The following ACMSD variants were observed in gnomAD, a reference collection of about 807,000 sequenced individuals.
ACMSD encodes aminocarboxymuconate semialdehyde decarboxylase, also known as 2-amino-3-carboxymuconate-6-semialdehyde decarboxylase.
A neutral mutation model predicts 45.9 loss-of-function variants in ACMSD; 37 were observed. That is an observed-to-expected ratio of 0.81 (90% CI 0.62 to 1.06). The LOEUF is 1.06. Among genes scored for constraint, ACMSD ranks in the 50% least tolerant of loss-of-function variants. The pLI is 0.00. For missense variants in ACMSD, 434 were observed against 420.9 expected (o/e 1.03, Z -0.27); for synonymous variants, 138 against 148.8 (o/e 0.93, Z 0.53).
At chr2:134,847,443 G>GAT (rs781247414) in intron 2 of ACMSD, among the ~76,000 whole-genome samples, 27 of 142,422 alleles carry the variant, frequency 1.9e-4, no homozygotes, top group African/African-American at 6.0e-4. Context: ...TAGATAGATA[G>GAT]ATAGATATAG....
At chr2:134,859,547 T>C in intron 3 of ACMSD, 190 bp downstream of exon 3, 1 of 535,110 alleles carries the variant, frequency 1.9e-6, no homozygotes, top group East Asian at 2.8e-5. Context: ...ATTCAAAATG[T>C]TTCATATGAG....
At chr2:134,881,189 C>G (rs1216885003) in intron 8 of ACMSD, among the ~76,000 whole-genome samples, 1 of 152,140 alleles carries the variant, frequency 6.6e-6, no homozygotes, top group East Asian at 1.9e-4. Context: ...TTAGTAGAGA[C>G]ATGGTTTCGC....
chr2:134,896,620 C>A (rs1318388235), intron 8 of ACMSD, among the ~76,000 whole-genome samples: 1 of 152,146 alleles, frequency 6.6e-6, no homozygotes, highest in Non-Finnish European at 1.5e-5. Flanking sequence ...CTCATACCTA[C>A]TGAGATGGCC....
At chr2:134,847,397 C>CAGAGAGAT (rs1687102711) in intron 2 of ACMSD, among the ~76,000 whole-genome samples, 56 of 81,460 alleles carry the variant, frequency 6.9e-4, no homozygotes, top group Non-Finnish European at 2.0e-4. Flanking sequence ...TTTGGGGATA[C>CAGAGAGAT]AGATAGATAG....
At position 134,901,835 on chromosome 2, in the gene ACMSD, G is replaced by C. The variant is rs745585763; in HGVS notation, c.986G>C (p.Gly329Ala). The part of the protein sequence containing the change: ...LKAGNALAFL[G>A]LERKQFE ...GCCGGCAATGCCCTGGCATTTTTGG[G>C]TCTTGAGAGAAAACAATTTGAATGA... Residue 329 changes from glycine to alanine, a missense_variant, in exon 10 of 10, where the codon GGT (glycine) becomes GCT (alanine). Transcript: ENST00000356140. 1.3e-6 allele frequency: 2 copies of C among 1,598,888 alleles called. No homozygotes were observed. The highest frequency in any genetic ancestry group is 2.3e-5 in the South Asian group (2 of 88,500).
chr2:134,846,257 A>G (rs997298667), intron 2 of ACMSD, among the ~76,000 whole-genome samples: 1 of 152,194 alleles, frequency 6.6e-6, no homozygotes, highest in East Asian at 1.9e-4. Context: ...TGGTCCCACA[A>G]CCAGTTTCAC....
At chr2:134,845,396 T>C (rs1687003072) in intron 2 of ACMSD, 119 bp downstream of exon 2, 2 of 1,082,860 alleles carry the variant, frequency 1.8e-6, no homozygotes, top group Non-Finnish European at 2.8e-6. Context: ...ATTAGCTTTG[T>C]TGTAGACAAG....
rs1690305526 is a variant in ACMSD, at chr2:134,898,415, G to A, written c.924G>A (p.Met308Ile). 6.3e-7 allele frequency: 1 copy of A among 1,597,580 alleles called. No individual in the cohort carries two copies. Among genetic ancestry groups the A allele is most frequent in the Non-Finnish European group, 8.5e-7 (1 of 1,173,192 alleles). ...ELEPGKLIES[M>I]EEFDEETKNK... ...AACCTGGGAAACTAATAGAGTCCAT[G>A]GAAGAATTTGATGAAGAAACAAAGG... is the stretch of plus-strand genomic sequence containing the variant. Residue 308 changes from methionine to isoleucine, a missense_variant, in exon 9 of 10, where the codon ATG becomes ATA. Physicochemically the swap from Met to Ile is conservative, Grantham distance 10. Transcript: ENST00000356140.
intron 8 of ACMSD, among the ~76,000 whole-genome samples, chr2:134,890,136 G>GA (rs977942645): frequency 4.0e-5 from 6 of 151,882 alleles, no homozygotes; most frequent in African/African-American, 9.6e-5. Flanking sequence ...ATCATGAAGA[G>GA]AAAAAAATGG....
Position 134,840,181 on chromosome 2 carries a change from A to AAAAAAAAAAAC in ACMSD, c.57+1452_57+1453insCAAAAAAAAAA, listed in dbSNP as rs1559034821. ...ACTATACCTAGCAAAAAAAAAAAAA[A>AAAAAAAAAAAC]AAAAAAAAAAAACCACTAATTCCTC... is the stretch of plus-strand genomic sequence containing the variant. On this transcript the variant is annotated intron_variant, in intron 1 of 9. Coordinates refer to ENST00000356140, the MANE Select transcript of ACMSD (RefSeq NM_138326.3). 2.8e-5 allele frequency among the ~76,000 whole-genome samples: 4 copies of AAAAAAAAAAAC among 142,796 alleles called. No individual in the cohort carries two copies. In the East Asian group the frequency reaches 8.9e-4, roughly 32 times the overall value. The allele number at this position is 142,796 out of a possible 152,430, so 93.7% of individuals were successfully genotyped here.
intron 4 of ACMSD, chr2:134,863,022 T>TG (rs1228578238): frequency 2.0e-6 from 2 of 984,906 alleles, no homozygotes; most frequent in Non-Finnish European, 2.4e-6. Flanking sequence ...GATGGTGGCC[T>TG]GGGGCCCTTG....
Position 134,901,864 on chromosome 2 carries a change from A to G in ACMSD, c.*4A>G. ...TGAGAGAAAACAATTTGAATGACTGAATTTACTACAAAGGCAAACTTTCAA... is the reference window on the plus strand; with the variant it reads ...TGAGAGAAAACAATTTGAATGACTGGATTTACTACAAAGGCAAACTTTCAA... On this transcript the variant is annotated 3_prime_UTR_variant, in exon 10 of 10. Transcript: ENST00000356140. 1 of 1,595,598 alleles carries G rather than the reference A, an allele frequency of 6.3e-7. No individual in the cohort carries two copies.
rs1362581812 is a variant in ACMSD, at chr2:134,901,970, G to C, written c.*110G>C. The C allele has an allele frequency of 1.7e-5, 11 of 635,722 alleles. No individual in the cohort carries two copies. The highest frequency in any genetic ancestry group is 2.8e-5 in the Non-Finnish European group (11 of 389,900). 39.4% of individuals were successfully genotyped at this position (635,722 alleles called of 1,614,324 possible). On this transcript the variant is annotated 3_prime_UTR_variant, in exon 10 of 10. Coordinates refer to ENST00000356140, the MANE Select transcript of ACMSD (RefSeq NM_138326.3). ...ATTTTGAACTATTTTACTCAGAAAT[G>C]AATGTCCCAAATATCCTAAATTATT...
chr2:134,885,180 A>G (rs1429262544), intron 8 of ACMSD, among the ~76,000 whole-genome samples: 1 of 142,410 alleles, frequency 7.0e-6, no homozygotes, highest in Non-Finnish European at 1.5e-5. Flanking sequence ...TGGGTGATGG[A>G]GTGAGACTTT....
At chr2:134,840,800 G>A (rs1467439705) in intron 1 of ACMSD, among the ~76,000 whole-genome samples, 1 of 152,034 alleles carries the variant, frequency 6.6e-6, no homozygotes, top group East Asian at 1.9e-4. Flanking sequence ...TGGGGAACAG[G>A]TGGTGTTTGG....
chr2:134,852,903 G>A (rs759901623), intron 2 of ACMSD, among the ~76,000 whole-genome samples: 10 of 152,038 alleles, frequency 6.6e-5, no homozygotes, highest in African/African-American at 2.4e-4. Flanking sequence ...GGTGCCTCAC[G>A]CCTAATCCCA....
intron 8 of ACMSD, among the ~76,000 whole-genome samples, chr2:134,886,233 C>CATTATTATTATTATTATTATT (rs1170785128): frequency 8.6e-5 from 11 of 128,308 alleles, no homozygotes; most frequent in Admixed American, 1.6e-4. Context: ...ATTACCCATT[C>CATTATTATTATTATTATTATT]ATTATTATTA....
intron 2 of ACMSD, among the ~76,000 whole-genome samples, chr2:134,849,859 G>A (rs770568457): frequency 2.6e-5 from 4 of 152,096 alleles, no homozygotes; most frequent in Non-Finnish European, 5.9e-5. Context: ...ACACCTGGGA[G>A]CATTTTAAAG....
intron 1 of ACMSD, among the ~76,000 whole-genome samples, chr2:134,839,975 T>C (rs1686707822): frequency 6.6e-6 from 1 of 151,864 alleles, no homozygotes; most frequent in Non-Finnish European, 1.5e-5. Context: ...TGCAGTTTCT[T>C]ACATCTTATG....
Sources: gnomAD v4.1 joint callset for allele counts (sites outside exome capture counted in the v4.1 genomes callset) on GRCh38, gnomAD v4.1.1 for gene constraint, MANE v1.5 for transcripts, NCBI Gene and HGNC (gene_info 2026-07-23, HGNC 2026-07-21) for gene names.